The following DOCK1 variants were observed in gnomAD, a reference collection of about 807,000 sequenced individuals.
DOCK1 encodes dedicator of cytokinesis protein 1.
DOCK1 carries 138 observed loss-of-function variants against 262.7 expected under a neutral mutation model. The observed-to-expected ratio is 0.53, with a 90% confidence interval of 0.46 to 0.61. The LOEUF is 0.61. Among genes scored for constraint, DOCK1 ranks in the 20% least tolerant of loss-of-function variants. The pLI is 0.00. For missense variants in DOCK1, 1,908 were observed against 2,370.7 expected, an observed-to-expected ratio of 0.80 and a Z score of 4.05; for synonymous variants, 866 against 867.4, an observed-to-expected ratio of 1.00 and a Z score of 0.03.
Position 127,012,528 on chromosome 10 carries a change from C to T in DOCK1, c.1201+154C>T, listed in dbSNP as rs375760511. ...GTGGAGAATGTGTGTGACAGTTGCC[C>T]CTGTGTACAGTGCATGATGGTTTTC... is the stretch of plus-strand genomic sequence containing the variant. On this transcript the variant is annotated intron_variant, in intron 12 of 51. Coordinates refer to ENST00000623213, the MANE Select transcript of DOCK1 (RefSeq NM_001290223.2). The surrounding 1 kb of genome is among the most constrained non-coding windows in gnomAD (Gnocchi z 4.0). Among the ~76,000 whole-genome samples, 1 of 152,022 alleles carries T rather than the reference C, an allele frequency of 6.6e-6. No individual in the cohort carries two copies. The highest frequency in any genetic ancestry group is 2.4e-5 in the African/African-American group (1 of 41,380).
intron 23 of DOCK1, among the ~76,000 whole-genome samples, chr10:127,072,143 C>G (rs1343281616): frequency 1.3e-5 from 2 of 152,220 alleles, no homozygotes; most frequent in Non-Finnish European, 2.9e-5. Context: ...CTTTCTCCTT[C>G]CTCCATCATG....
intron 27 of DOCK1, among the ~76,000 whole-genome samples, chr10:127,193,374 C>CG (rs771821099): frequency 4.7e-4 from 71 of 152,182 alleles, no homozygotes; most frequent in Non-Finnish European, 7.9e-4. Flanking sequence ...ACGCGTTGAA[C>CG]AGCATCCTTC....
intron 33 of DOCK1, among the ~76,000 whole-genome samples, chr10:127,367,893 C>G (rs2133989608): frequency 6.6e-6 from 1 of 152,292 alleles, no homozygotes; most frequent in East Asian, 1.9e-4. Context: ...TACTCCAAGC[C>G]AGGGGAGGTG....
At chr10:127,362,989 CCCCCCACACACACACGCACATCCCCACA>C (rs2064653116) in intron 33 of DOCK1, among the ~76,000 whole-genome samples, 1 of 2,774 alleles carries the variant, frequency 3.6e-4, no homozygotes, top group African/African-American at 6.1e-4. Context: ...ATACACATCC[CCCCCCACACACACACGCACATCCCCACA>C]CACACACACA....
At chr10:127,393,135 G>C (rs1004059672) in intron 38 of DOCK1, among the ~76,000 whole-genome samples, 1 of 152,114 alleles carries the variant, frequency 6.6e-6, no homozygotes, top group African/African-American at 2.4e-5. Context: ...GAATTTCCTT[G>C]GTTCGATCTT....
At chr10:127,023,122 G>T in intron 13 of DOCK1, 78 bp from the exon 14 acceptor site, 3 of 1,496,344 alleles carry the variant, frequency 2.0e-6, no homozygotes, top group Non-Finnish European at 2.7e-6. Flanking sequence ...ATGAGGATAG[G>T]TAGACAGTCT....
chr10:127,131,409 C>A (rs1342562900), intron 27 of DOCK1, among the ~76,000 whole-genome samples: 3 of 152,134 alleles, frequency 2.0e-5, no homozygotes, highest in Non-Finnish European at 4.4e-5. Flanking sequence ...TTATAAAATG[C>A]AGCTGTCTTG....
intron 1 of DOCK1, among the ~76,000 whole-genome samples, chr10:126,945,981 A>T (rs1000379383): frequency 1.6e-4 from 24 of 152,320 alleles, no homozygotes; most frequent in African/African-American, 5.5e-4. Context: ...TCATAGGCAG[A>T]GACGCTCTGG....
intron 33 of DOCK1, among the ~76,000 whole-genome samples, chr10:127,365,921 C>T (rs895494988): frequency 5.3e-5 from 8 of 152,178 alleles, no homozygotes; most frequent in African/African-American, 1.7e-4. Flanking sequence ...ATTGACCCAG[C>T]GTCAGGAGAC....
At chr10:126,947,305 G>A (rs2035508005) in intron 1 of DOCK1, among the ~76,000 whole-genome samples, 1 of 140,688 alleles carries the variant, frequency 7.1e-6, no homozygotes. Flanking sequence ...TAGTATTACT[G>A]TTGGTGGTGA....
rs376522575 is a variant in DOCK1, at chr10:127,418,583, C to T, written c.4692+42C>T. 4.5e-4 allele frequency: 712 copies of T among 1,564,982 alleles called. 6 individuals are homozygous for T. The Middle Eastern group carries it at 5.4e-3, about 12-fold the overall frequency. Reference sequence around the variant, plus strand: ...CTTGCTCTGGGCAAGCAGTCCTGCCCGGGGACAGACTGAAAATTCCCGAGA... The same window carrying T: ...CTTGCTCTGGGCAAGCAGTCCTGCCTGGGGACAGACTGAAAATTCCCGAGA... On this transcript the variant is annotated intron_variant, in intron 45 of 51. Transcript: ENST00000623213.
chr10:127,257,250 G>A, intron 28 of DOCK1, 85 bp from the exon 29 acceptor site: 1 of 1,072,112 alleles, frequency 9.3e-7, no homozygotes, highest in South Asian at 1.4e-5. Flanking sequence ...TTAAAATGGG[G>A]TATTTTATAA....
chr10:127,042,934 C>A, intron 20 of DOCK1, 130 bp from the exon 21 acceptor site: 2 of 849,138 alleles, frequency 2.4e-6, no homozygotes, highest in Non-Finnish European at 3.6e-6. Flanking sequence ...AAAAGGTAAA[C>A]TAGCCACCAA....
chr10:127,176,498 T>A lies in DOCK1; in HGVS notation c.2847+48734T>A, dbSNP rs2055175497. ...TTAGCCACCACGACGACTGCCTGTT[T>A]CCTAATTATATTTAAGCAGGTGAGG... On this transcript the variant is annotated intron_variant, in intron 27 of 51. Transcript: ENST00000623213. The surrounding 1 kb of genome is among the most constrained non-coding windows in gnomAD (Gnocchi z 4.4). 6 of 993,686 alleles carry A rather than the reference T, an allele frequency of 6.0e-6. No homozygotes were observed. The highest frequency in any genetic ancestry group is 1.5e-6 in the Non-Finnish European group (1 of 677,640). 61.6% of individuals were successfully genotyped at this position (993,686 alleles called of 1,614,324 possible). A position where few individuals can be genotyped will look rare whatever the true frequency, so the allele number is the denominator to read the frequency against.
intron 18 of DOCK1, among the ~76,000 whole-genome samples, 192 bp from the exon 19 acceptor site, chr10:127,037,527 A>G (rs965474192): frequency 1.3e-5 from 2 of 152,218 alleles, no homozygotes; most frequent in South Asian, 2.1e-4. Context: ...GTTGGGAATA[A>G]TGAATTCAAG....
chr10:127,178,573 G>C (rs1397995207), intron 27 of DOCK1, among the ~76,000 whole-genome samples: 1 of 152,202 alleles, frequency 6.6e-6, no homozygotes, highest in Non-Finnish European at 1.5e-5. Flanking sequence ...GGATGCCTCG[G>C]GCTCTTGTTC....
At chr10:127,121,226 C>CTT (rs35938133) in intron 25 of DOCK1, among the ~76,000 whole-genome samples, 273 of 136,130 alleles carry the variant, frequency 2.0e-3, no homozygotes, top group African/African-American at 6.6e-3. Context: ...ACCCCTCCTC[C>CTT]TTTTTTTTTT....
chr10:127,247,851 A>G (rs1245698381), intron 27 of DOCK1, among the ~76,000 whole-genome samples, 157 bp from the exon 28 acceptor site: 1 of 152,150 alleles, frequency 6.6e-6, no homozygotes, highest in Non-Finnish European at 1.5e-5. Context: ...CCTTATGCTG[A>G]TCTTCCCTGA....
At chr10:127,152,783 C>A (rs1248844777) in intron 27 of DOCK1, among the ~76,000 whole-genome samples, 2 of 152,190 alleles carry the variant, frequency 1.3e-5, no homozygotes, top group African/African-American at 4.8e-5. Context: ...GCTGATGTGG[C>A]CTTCGGTGCC....
Sources: allele counts gnomAD v4.1 joint callset (sites outside exome capture counted in the v4.1 genomes callset), GRCh38; gene constraint gnomAD v4.1.1; non-coding constraint Gnocchi (gnomAD v3.1); transcripts MANE v1.5; gene names NCBI Gene and HGNC (gene_info 2026-07-23, HGNC 2026-07-21).